The following PARD6G variants were observed in gnomAD, a reference collection of about 807,000 sequenced individuals.
PARD6G encodes par-6 family cell polarity regulator gamma, also known as partitioning defective 6 homolog gamma.
Under a neutral mutation model 10.7 loss-of-function variants are expected in PARD6G, and 7 were observed. The ratio of observed to expected loss-of-function variants is 0.66; its 90% confidence interval spans 0.37 to 1.23. The LOEUF is 1.23. Among genes scored for constraint, PARD6G ranks in the 50% most tolerant of loss-of-function variants. The probability of loss-of-function intolerance (pLI) is 0.02; values close to 1 mark genes in which losing one functional copy is unlikely to be tolerated. For missense variants in PARD6G, 548 were observed against 571.8 expected, an observed-to-expected ratio of 0.96 and a Z score of 0.42; for synonymous variants, 287 against 269.4, an observed-to-expected ratio of 1.07 and a Z score of -0.64.
intron 2 of PARD6G, among the ~76,000 whole-genome samples, chr18:80,165,506 A>T (rs905966998): frequency 2.6e-5 from 4 of 152,174 alleles, no homozygotes; most frequent in Non-Finnish European, 1.5e-5. Context: ...AAATTATCAC[A>T]GTGGTCCTGA....
At chr18:80,187,495 C>A (rs1330168187) in intron 2 of PARD6G, among the ~76,000 whole-genome samples, 1 of 152,216 alleles carries the variant, frequency 6.6e-6, no homozygotes, top group Non-Finnish European at 1.5e-5. Flanking sequence ...CTCAGTGCGG[C>A]TGGGCTGTTC....
intron 2 of PARD6G, among the ~76,000 whole-genome samples, chr18:80,191,520 G>A (rs1267728414): frequency 1.3e-5 from 2 of 152,330 alleles, no homozygotes; most frequent in East Asian, 3.9e-4. Flanking sequence ...GAGATGGAGA[G>A]ACATAAATTT....
chr18:80,169,593 T>C (rs763237658), intron 2 of PARD6G: 2 of 152,336 alleles, frequency 1.3e-5, no homozygotes, highest in Non-Finnish European at 2.9e-5. Context: ...CAATTCCTGA[T>C]CTTCCGAGTT....
At chr18:80,204,280 G>A (rs565418189) in intron 1 of PARD6G, among the ~76,000 whole-genome samples, 28 of 152,276 alleles carry the variant, frequency 1.8e-4, no homozygotes, top group Non-Finnish European at 3.8e-4. Flanking sequence ...ATGAGTCAGG[G>A]AAGGTCATCT....
At chr18:80,227,174 C>T (rs958941896) in intron 1 of PARD6G, among the ~76,000 whole-genome samples, 1 of 152,188 alleles carries the variant, frequency 6.6e-6, no homozygotes, top group African/African-American at 2.4e-5. Flanking sequence ...GTAGCTAGGG[C>T]TAGTCTTGAA....
At chr18:80,216,593 C>T (rs373604711) in intron 1 of PARD6G, among the ~76,000 whole-genome samples, 22 of 151,858 alleles carry the variant, frequency 1.4e-4, no homozygotes, top group African/African-American at 5.1e-4. Context: ...TACACCACAC[C>T]AAAATTTATG....
At chr18:80,174,932 G>C (rs544390012) in intron 2 of PARD6G, among the ~76,000 whole-genome samples, 8 of 151,968 alleles carry the variant, frequency 5.3e-5, no homozygotes, top group Non-Finnish European at 8.8e-5. Flanking sequence ...CTGGGCGACA[G>C]AGCCAGACTC....
chr18:80,234,311 C>T (rs921089972), intron 1 of PARD6G, among the ~76,000 whole-genome samples: 9 of 152,086 alleles, frequency 5.9e-5, no homozygotes, highest in African/African-American at 2.2e-4. Flanking sequence ...CAAGGAAAGC[C>T]AGGAAATGCA....
At chr18:80,162,355 A>G (rs1014180103) in intron 2 of PARD6G, 1 of 155,952 alleles carries the variant, frequency 6.4e-6, no homozygotes, top group East Asian at 1.9e-4. Context: ...TGTAACCCAT[A>G]AATATATATA....
intron 1 of PARD6G, among the ~76,000 whole-genome samples, chr18:80,245,110 C>G (rs1157503369): frequency 2.0e-5 from 3 of 152,204 alleles, no homozygotes; most frequent in African/African-American, 7.2e-5. Flanking sequence ...GGCAGCACCC[C>G]TTCTTTGCCA....
rs1172517142 is a variant in PARD6G at position 80,184,116 on chromosome 18, A to G, written c.295+18594T>C. On this transcript the variant is annotated intron_variant, in intron 2 of 2. Coordinates refer to ENST00000353265, the MANE Select transcript of PARD6G (RefSeq NM_032510.4). The surrounding 1 kb of genome is among the most constrained non-coding windows in gnomAD (Gnocchi z 4.5). ...TGTGAGAAAGAAACACTAGGGCTTC[A>G]ACCAGATGAGGGGCGTTTAGGAAAA... The G allele has an allele frequency of 6.6e-6, 1 of 152,256 alleles. No individual in the cohort carries two copies. The highest frequency in any genetic ancestry group is 2.4e-5 in the African/African-American group (1 of 41,456). 9.4% of individuals were successfully genotyped at this position (152,256 alleles called of 1,614,324 possible). A position where few individuals can be genotyped will look rare whatever the true frequency, so the allele number is the denominator to read the frequency against.
In PARD6G at chr18:80,159,925, A is replaced by C; in HGVS notation, c.977T>G (p.Val326Gly). The C allele has an allele frequency of 1.3e-6, 2 of 1,511,926 alleles. No individual in the cohort carries two copies. Among genetic ancestry groups the C allele is most frequent in the South Asian group, 1.3e-5 (1 of 79,604 alleles). 93.7% of individuals were successfully genotyped at this position (1,511,926 alleles called of 1,614,324 possible). ...CCGCTGCGCCAGGCCCGCGCCATTG[A>C]CCCGGGAGAGGCTGCCTGCGGGCGC... ...PGAPAGSLSR[V>G]NGAGLAQRLQ... Residue 326 changes from valine to glycine, a missense_variant, in exon 3 of 3, where the codon GTC (valine) becomes GGC (glycine). Transcript: ENST00000353265.
In PARD6G at chr18:80,228,708, C is replaced by T. The variant is rs1198306961; in HGVS notation, c.72+18569G>A. Among the ~76,000 whole-genome samples the T allele has an allele frequency of 1.3e-5, 2 of 151,738 alleles. No individual in the cohort carries two copies. Among genetic ancestry groups the T allele is most frequent in the African/African-American group, 4.8e-5 (2 of 41,258 alleles). ...ACTGCGCCTCCCACCTAAGGCCCTTCTCCACCAAAGACCTGCCTCACACCC... is the reference window on the plus strand; with the variant it reads ...ACTGCGCCTCCCACCTAAGGCCCTTTTCCACCAAAGACCTGCCTCACACCC... On this transcript the variant is annotated intron_variant, in intron 1 of 2. Transcript: ENST00000353265. The surrounding 1 kb of genome is among the most constrained non-coding windows in gnomAD (Gnocchi z 4.6).
At chr18:80,185,532 C>G (rs2052869459) in intron 2 of PARD6G, among the ~76,000 whole-genome samples, 1 of 151,998 alleles carries the variant, frequency 6.6e-6, no homozygotes, top group African/African-American at 2.4e-5. Context: ...CCAACATTAC[C>G]TGAATGTCAC....
At chr18:80,242,392 G>C (rs1967499858) in intron 1 of PARD6G, among the ~76,000 whole-genome samples, 1 of 152,232 alleles carries the variant, frequency 6.6e-6, no homozygotes, top group African/African-American at 2.4e-5. Flanking sequence ...CATCCCACCG[G>C]CTGTCGCACA....
chr18:80,224,815 C>A (rs899170357), intron 1 of PARD6G, among the ~76,000 whole-genome samples: 2 of 151,838 alleles, frequency 1.3e-5, no homozygotes, highest in African/African-American at 4.8e-5. Flanking sequence ...CCACTGCTCT[C>A]CAGCCTGGTC....
In PARD6G at chr18:80,161,836, G is replaced by A. The variant is rs1321874758; in HGVS notation, c.296-1230C>T. The A allele has an allele frequency of 1.3e-5, 2 of 152,260 alleles. No homozygotes were observed. Among genetic ancestry groups the A allele is most frequent in the African/African-American group, 2.4e-5 (1 of 41,460 alleles). The allele number at this position is 152,260 out of a possible 1,614,324, so 9.4% of individuals were successfully genotyped here. On this transcript the variant is annotated intron_variant, in intron 2 of 2. Coordinates refer to ENST00000353265, the MANE Select transcript of PARD6G (RefSeq NM_032510.4). The surrounding 1 kb of genome is among the most constrained non-coding windows in gnomAD (Gnocchi z 4.6). ...TCAGAGCAGAGACCTCCAGGCTCCA[G>A]GGGTCAGTCTGGCTTCTGCATTTCA...
rs2052863346 is a variant in PARD6G, at chr18:80,184,495, G to A, written c.295+18215C>T. The A allele has an allele frequency of 6.6e-6, 1 of 151,920 alleles. No individual in the cohort carries two copies. The allele number at this position is 151,920 out of a possible 1,614,324, so 9.4% of individuals were successfully genotyped here. A position where few individuals can be genotyped will look rare whatever the true frequency, so the allele number is the denominator to read the frequency against. On this transcript the variant is annotated intron_variant, in intron 2 of 2. Coordinates refer to ENST00000353265, the MANE Select transcript of PARD6G (RefSeq NM_032510.4). This position sits in a 1 kb window ranked among gnomAD's most constrained non-coding sequence, Gnocchi z 4.5. ...AAACCTGCAGCGGGAGCAAGGCGGT[G>A]AAACCCGCAGAGGGAGCAAGGCCGT...
At chr18:80,204,460 A>G (rs1967037314) in intron 1 of PARD6G, among the ~76,000 whole-genome samples, 1 of 152,154 alleles carries the variant, frequency 6.6e-6, no homozygotes, top group Non-Finnish European at 1.5e-5. Context: ...GGAATCAGCC[A>G]CTAGACCTTA....
Sources: allele counts gnomAD v4.1 joint callset (sites outside exome capture counted in the v4.1 genomes callset), GRCh38; gene constraint gnomAD v4.1.1; non-coding constraint Gnocchi (gnomAD v3.1); transcripts MANE v1.5; gene names NCBI Gene and HGNC (gene_info 2026-07-23, HGNC 2026-07-21).